The following SUV39H1 variants were observed in gnomAD, a reference collection of about 807,000 sequenced individuals.
SUV39H1 encodes the protein SUV39H1 histone lysine methyltransferase.
For synonymous variants in SUV39H1, 141 were observed against 150.5 expected (o/e 0.94, Z 0.46); for missense variants, 180 against 386.3 (o/e 0.47, Z 4.48).
chrX:48,696,691 C>G (rs1453731060), upstream of SUV39H1: 2 of 1,083,297 alleles, frequency 1.8e-6, no homozygotes, highest in South Asian at 2.1e-5. Flanking sequence ...AGTCGGGAGC[C>G]GCGGCCAATA....
chrX:48,706,242 C>T lies in SUV39H1; in HGVS notation c.829-23C>T, dbSNP rs368988897. The T allele has an allele frequency of 8.4e-5, 101 of 1,201,502 alleles. No individual in the cohort carries two copies. The African/African-American group carries it at 1.6e-3, about 19-fold the overall frequency. Reference sequence around the variant, plus strand: ...CCTGAGACTTCGCGGCCAATCTCCCCTTACCCATGGCCCTTTCCCTAGATC... The same window carrying T: ...CCTGAGACTTCGCGGCCAATCTCCCTTTACCCATGGCCCTTTCCCTAGATC... On this transcript the variant is annotated intron_variant, in intron 3 of 5. Transcript: ENST00000376687.
At chrX:48,699,686 T>C (rs961059666) in intron 2 of SUV39H1, among the ~76,000 whole-genome samples, 4 of 111,622 alleles carry the variant, frequency 3.6e-5, no homozygotes, top group Non-Finnish European at 7.5e-5. Context: ...GCAGTGATGA[T>C]GGTTTGTCAC....
chrX:48,705,434 G>A (rs2062487774), intron 3 of SUV39H1: 1 of 114,401 alleles, frequency 8.7e-6, no homozygotes, highest in Non-Finnish European at 1.9e-5. Flanking sequence ...GCTGGCCTCA[G>A]GGAAGAGGGG....
intron 3 of SUV39H1, among the ~76,000 whole-genome samples, chrX:48,705,731 C>T (rs1256031009): frequency 8.9e-6 from 1 of 112,301 alleles, no homozygotes; most frequent in Admixed American, 9.3e-5. Context: ...GCCTCTGCCT[C>T]CACCTCTCTT....
At chrX:48,704,513 G>T (rs1158459357) in intron 3 of SUV39H1, among the ~76,000 whole-genome samples, 1 of 111,373 alleles carries the variant, frequency 9.0e-6, no homozygotes, top group Non-Finnish European at 1.9e-5. Context: ...AGGCTGCCTA[G>T]AGAGGTCCCA....
chrX:48,699,124 GC>G, intron 2 of SUV39H1, 77 bp downstream of exon 2: 2 of 1,045,061 alleles, frequency 1.9e-6, no homozygotes, highest in Non-Finnish European at 2.5e-6. Context: ...GTCCCCAACT[GC>G]CCACATCTGT....
chrX:48,696,658 G>C, upstream of SUV39H1: 1 of 949,205 alleles, frequency 1.1e-6, no homozygotes, highest in Non-Finnish European at 1.4e-6. Flanking sequence ...ACGGCTCTCC[G>C]GTTGGTCCGC....
intron 1 of SUV39H1, among the ~76,000 whole-genome samples, chrX:48,698,349 A>AT (rs1251357885): frequency 4.5e-5 from 5 of 111,672 alleles, no homozygotes; most frequent in African/African-American, 1.6e-4. Flanking sequence ...GATGTATGGG[A>AT]TATCCTAGAA....
intron 5 of SUV39H1, among the ~76,000 whole-genome samples, chrX:48,707,014 A>G (rs1156488064): frequency 4.5e-5 from 5 of 109,891 alleles, no homozygotes; most frequent in African/African-American, 1.3e-4. Context: ...CCTCCTTGAT[A>G]AGCTAGCCAC....
At chrX:48,696,597 G>C, upstream of SUV39H1, 1 of 478,217 alleles carries the variant, frequency 2.1e-6, no homozygotes, top group Non-Finnish European at 3.1e-6. Flanking sequence ...GGGAAAGCGC[G>C]GCGAGCACCC....
intron 1 of SUV39H1, 85 bp downstream of exon 1, chrX:48,696,888 G>T: frequency 1.3e-6 from 1 of 755,642 alleles, no homozygotes; most frequent in Non-Finnish European, 1.7e-6. Context: ...GGGCCCCGGC[G>T]TCCGAGGCCC....
chrX:48,696,600 G>A, upstream of SUV39H1: 1 of 493,651 alleles, frequency 2.0e-6, no homozygotes. Flanking sequence ...AAAGCGCGGC[G>A]AGCACCCGCC....
Position 48,706,363 on chromosome X carries a change from C to A in SUV39H1, c.927C>A (p.Thr309=). The A allele has an allele frequency of 8.3e-7, 1 of 1,211,753 alleles. No individual in the cohort carries two copies. ...FDLDYVEDVY[T]VDAAYYGNIS... ...TGGACTACGTGGAGGACGTGTACAC[C>A]GTGGATGCCGCCTACTATGGCAACA... The change falls in exon 4 of 6, where the codon ACC becomes ACA. Residue 309 remains threonine, a synonymous_variant. Transcript: ENST00000376687.
At chrX:48,697,618 A>AG (rs1479339419) in intron 1 of SUV39H1, among the ~76,000 whole-genome samples, 3 of 111,646 alleles carry the variant, frequency 2.7e-5, no homozygotes, top group South Asian at 3.7e-4. Flanking sequence ...TTGCCTAAGT[A>AG]GGGGGGGTAG....
At chrX:48,706,148 C>CAT in intron 3 of SUV39H1, 117 bp from the exon 4 acceptor site, 1 of 971,034 alleles carries the variant, frequency 1.0e-6, no homozygotes, top group Admixed American at 2.9e-5. Context: ...CGTCACTGCC[C>CAT]ATGTGTGTCC....
intron 5 of SUV39H1, 49 bp from the exon 6 acceptor site, chrX:48,707,384 CCCCT>C: frequency 1.8e-6 from 2 of 1,136,528 alleles, no homozygotes; most frequent in Non-Finnish European, 2.4e-6. Flanking sequence ...CCTCCTTCTC[CCCCT>C]CCCTCCCTGC....
upstream of SUV39H1, chrX:48,695,676 GA>G (rs2062452124): frequency 8.9e-7 from 1 of 1,119,492 alleles, no homozygotes; most frequent in South Asian, 2.1e-5. Flanking sequence ...ACGATGTGAT[GA>G]GGGGCGGATT....
At chrX:48,697,094 T>C (rs2062459118) in intron 1 of SUV39H1, among the ~76,000 whole-genome samples, 1 of 109,161 alleles carries the variant, frequency 9.2e-6, no homozygotes, top group Admixed American at 9.4e-5. Flanking sequence ...CGCGGGGGCT[T>C]GTCGAGGAGG....
intron 2 of SUV39H1, 129 bp from the exon 3 acceptor site, chrX:48,699,962 A>G (rs2062468853): frequency 1.9e-6 from 1 of 532,560 alleles, no homozygotes; most frequent in Middle Eastern, 5.6e-4. Context: ...TCACCGCATG[A>G]AGTCATTCCA....
Sources: gnomAD v4.1 joint callset for allele counts (sites outside exome capture counted in the v4.1 genomes callset) on GRCh38, gnomAD v4.1.1 for gene constraint, MANE v1.5 for transcripts, NCBI Gene and HGNC (gene_info 2026-07-23, HGNC 2026-07-21) for gene names.